Variants in NRXN3 observed in about 807,000 individuals in gnomAD.
The protein encoded by NRXN3 is neurexin 3, also known as neurexin III.
Under a neutral mutation model 137.6 loss-of-function variants are expected in NRXN3, and 32 were observed. That is an observed-to-expected ratio of 0.23 (90% confidence interval 0.18 to 0.31). The LOEUF (loss-of-function observed/expected upper bound fraction) is 0.31. Among genes scored for constraint, NRXN3 ranks in the 10% least tolerant of loss-of-function variants. The pLI is 1.00. For synonymous variants in NRXN3, 798 were observed against 784.5 expected (o/e 1.02, Z -0.29); for missense variants, 1,574 against 2,062.5 (o/e 0.76, Z 4.59).
At chr14:78,653,738 C>CACAG (rs1327985585) in intron 6 of NRXN3, among the ~76,000 whole-genome samples, 3 of 151,952 alleles carry the variant, frequency 2.0e-5, no homozygotes, top group African/African-American at 7.3e-5. Context: ...CACACACACA[C>CACAG]ACACATTTTT....
chr14:78,842,673 A>G (rs1396635681), intron 10 of NRXN3, among the ~76,000 whole-genome samples: 1 of 152,158 alleles, frequency 6.6e-6, no homozygotes, highest in Non-Finnish European at 1.5e-5. Context: ...GGAGCACCAC[A>G]GGAGATTGGG....
At chr14:78,373,888 G>C (rs1458842047) in intron 4 of NRXN3, among the ~76,000 whole-genome samples, 3 of 152,194 alleles carry the variant, frequency 2.0e-5, no homozygotes, top group Admixed American at 2.0e-4. Context: ...GCATCTGAAG[G>C]AGTCTGCTAA....
Position 79,257,388 on chromosome 14 carries a change from A to ATGGTGGTGG in NRXN3, c.3263-209815_3263-209807dup, listed in dbSNP as rs1555899794. 1.5e-3 allele frequency among the ~76,000 whole-genome samples: 46 copies of ATGGTGGTGG among 31,448 alleles called. 1 individual carries two copies. Among genetic ancestry groups the ATGGTGGTGG allele is most frequent in the Non-Finnish European group, 1.8e-3 (31 of 17,136 alleles). The allele number at this position is 31,448 out of a possible 152,430, so 20.6% of individuals were successfully genotyped here. On this transcript the variant is annotated intron_variant, in intron 15 of 20. Coordinates refer to ENST00000335750, the MANE Select transcript of NRXN3 (RefSeq NM_001330195.2). Reference sequence around the variant, plus strand: ...GGTGGTGGTGGTGGTGGTGGTGGTGATGGTGGTGGTGGTGGTGGTGGTGGT... The same window carrying ATGGTGGTGG: ...GGTGGTGGTGGTGGTGGTGGTGGTGATGGTGGTGGTGGTGGTGGTGGTGGTGGTGGTGGT...
chr14:79,005,036 G>A (rs565702538), intron 15 of NRXN3, among the ~76,000 whole-genome samples: 4 of 152,172 alleles, frequency 2.6e-5, no homozygotes, highest in African/African-American at 4.8e-5. Context: ...ACCTGGCCAC[G>A]TAGCAAAGGG....
chr14:78,775,127 A>G (rs940857590), intron 8 of NRXN3, among the ~76,000 whole-genome samples: 13 of 152,296 alleles, frequency 8.5e-5, no homozygotes, highest in Non-Finnish European at 1.3e-4. Context: ...TTTATAATCA[A>G]TATTTTTATT....
chr14:78,479,613 C>A (rs1179867762), intron 4 of NRXN3, among the ~76,000 whole-genome samples: 1 of 152,138 alleles, frequency 6.6e-6, no homozygotes, highest in Non-Finnish European at 1.5e-5. Flanking sequence ...ATTAGAATGT[C>A]CAGGAATTTG....
chr14:79,256,627 C>G (rs1018314769), intron 15 of NRXN3, among the ~76,000 whole-genome samples: 1 of 152,172 alleles, frequency 6.6e-6, no homozygotes, highest in Admixed American at 6.5e-5. Context: ...GCATTAATCT[C>G]CTGAGATTTG....
chr14:79,410,239 C>A (rs945212303), intron 15 of NRXN3, among the ~76,000 whole-genome samples: 1 of 151,736 alleles, frequency 6.6e-6, no homozygotes, highest in Non-Finnish European at 1.5e-5. Flanking sequence ...CCTAGATCAA[C>A]CACACAGATT....
chr14:79,779,589 C>A (rs915914630), intron 19 of NRXN3, among the ~76,000 whole-genome samples: 54 of 152,276 alleles, frequency 3.5e-4, no homozygotes, highest in African/African-American at 1.3e-3. Context: ...CACTGTAGCA[C>A]ATGATCAAAA....
chr14:79,187,078 T>C (rs1023851107), intron 15 of NRXN3, among the ~76,000 whole-genome samples: 1 of 152,216 alleles, frequency 6.6e-6, no homozygotes, highest in African/African-American at 2.4e-5. Context: ...ACCAAGGCCA[T>C]GGGCTTCGTT....
At chr14:79,023,621 A>G (rs1186515138) in intron 15 of NRXN3, among the ~76,000 whole-genome samples, 1 of 152,096 alleles carries the variant, frequency 6.6e-6, no homozygotes, top group Non-Finnish European at 1.5e-5. Context: ...TTGCTGGGAA[A>G]GCCTCAGGAA....
rs2099478693 is a variant in NRXN3, at chr14:78,978,675, GTATCATATA to G, written c.3143-9335_3143-9327del. ...GTATTAGTTAGGGTTCTCCAGAGAG[GTATCATATA>G]TATCATATATAGGATATATGCATCT... On this transcript the variant is annotated intron_variant, in intron 14 of 20. Transcript: ENST00000335750. 2.0e-5 allele frequency among the ~76,000 whole-genome samples: 3 copies of G among 147,868 alleles called. No individual in the cohort carries two copies. The Admixed American group carries it at 2.0e-4, about 10-fold the overall frequency.
chr14:79,232,013 G>A (rs1042458497), intron 15 of NRXN3, among the ~76,000 whole-genome samples: 6 of 152,144 alleles, frequency 3.9e-5, no homozygotes, highest in Non-Finnish European at 7.4e-5. Flanking sequence ...TCTCATATAA[G>A]GACATGAACA....
chr14:78,848,125 G>A (rs2099032693), intron 10 of NRXN3, among the ~76,000 whole-genome samples: 1 of 152,112 alleles, frequency 6.6e-6, no homozygotes, highest in Admixed American at 6.6e-5. Context: ...CACTGAACAT[G>A]GTGGGGCAGA....
At chr14:78,738,677 C>A (rs2098551419) in intron 8 of NRXN3, among the ~76,000 whole-genome samples, 1 of 152,160 alleles carries the variant, frequency 6.6e-6, no homozygotes, top group Non-Finnish European at 1.5e-5. Flanking sequence ...AAATATTCCC[C>A]ACCCCATTCT....
In NRXN3 at chr14:79,267,973, T is replaced by C. The variant is rs190951337; in HGVS notation, c.3263-199248T>C. On this transcript the variant is annotated intron_variant, in intron 15 of 20. Coordinates refer to ENST00000335750, the MANE Select transcript of NRXN3 (RefSeq NM_001330195.2). ...TTATTTCAGATATGTCCATTATTTC[T>C]GGACTGTTAGTTATGCCATTTAAAT... Among the ~76,000 whole-genome samples, 5 of 152,358 alleles carry C rather than the reference T, an allele frequency of 3.3e-5. No individual in the cohort carries two copies. In the East Asian group the frequency reaches 9.6e-4, roughly 29 times the overall value.
intron 4 of NRXN3, among the ~76,000 whole-genome samples, chr14:78,303,577 G>A (rs144925311): frequency 3.6e-4 from 55 of 152,202 alleles, no homozygotes; most frequent in African/African-American, 1.3e-3. Context: ...TTGTCAAGGT[G>A]CCTTCCCTGC....
intron 15 of NRXN3, among the ~76,000 whole-genome samples, chr14:79,352,536 T>C (rs934583467): frequency 6.6e-6 from 1 of 152,150 alleles, no homozygotes; most frequent in African/African-American, 2.4e-5. Context: ...TTATATGGAT[T>C]TGAGAAGCTC....
Position 79,673,281 on chromosome 14 carries a change from A to T in NRXN3, c.3616+9332A>T, listed in dbSNP as rs202156851. ...TCCATAAGATGCATTTCTTTTCCAC[A>T]CGGTACTTTTACAGCCTTTCAGTAA... is the stretch of plus-strand genomic sequence containing the variant. On this transcript the variant is annotated intron_variant, in intron 17 of 20. Transcript: ENST00000335750. Among the ~76,000 whole-genome samples, 498 of 152,152 alleles carry T rather than the reference A, an allele frequency of 3.3e-3. 18 individuals carry two copies. In the East Asian group the frequency reaches 0.089, roughly 27 times the overall value.
Sources: allele counts gnomAD v4.1 joint callset (sites outside exome capture counted in the v4.1 genomes callset), GRCh38; gene constraint gnomAD v4.1.1; transcripts MANE v1.5; gene names NCBI Gene and HGNC (gene_info 2026-07-23, HGNC 2026-07-21).